Variants in CAMK1D observed in about 807,000 individuals in gnomAD.
CAMK1D encodes calcium/calmodulin-dependent protein kinase type 1D.
In CAMK1D, 9 loss-of-function variants were observed where a neutral mutation model predicts 47.7. The observed-to-expected ratio is 0.19, with a 90% CI of 0.11 to 0.33. The LOEUF is 0.33. Among genes scored for constraint, CAMK1D ranks in the 10% least tolerant of loss-of-function variants. The probability of loss-of-function intolerance (pLI) is 1.00; values close to 1 mark genes in which losing one functional copy is unlikely to be tolerated. For missense variants in CAMK1D, 291 were observed against 488.7 expected (o/e 0.60, Z 3.81); for synonymous variants, 184 against 184.9 (o/e 0.99, Z 0.04).
At chr10:12,563,001 A>G (rs1018384626) in intron 2 of CAMK1D, among the ~76,000 whole-genome samples, 9 of 152,230 alleles carry the variant, frequency 5.9e-5, no homozygotes, top group African/African-American at 2.2e-4. Flanking sequence ...AAACAGAAGC[A>G]ATAGGATATA....
intron 1 of CAMK1D, among the ~76,000 whole-genome samples, chr10:12,511,942 C>T (rs990985791): frequency 2.0e-5 from 3 of 152,236 alleles, no homozygotes; most frequent in African/African-American, 7.2e-5. Context: ...AGAAGCTGAA[C>T]GAGTTCACCC....
At chr10:12,387,438 A>G in intron 1 of CAMK1D, among the ~76,000 whole-genome samples, 1 of 51,416 alleles carries the variant, frequency 1.9e-5, no homozygotes, top group East Asian at 4.7e-4. Context: ...TATATATTAT[A>G]TATATTTTAT....
chr10:12,762,469 T>C (rs1836555963), intron 4 of CAMK1D, among the ~76,000 whole-genome samples: 1 of 152,218 alleles, frequency 6.6e-6, no homozygotes, highest in African/African-American at 2.4e-5. Context: ...CATGTTGTCA[T>C]GTTCCATTGA....
At chr10:12,682,586 G>A (rs1036737502) in intron 3 of CAMK1D, among the ~76,000 whole-genome samples, 3 of 152,124 alleles carry the variant, frequency 2.0e-5, no homozygotes, top group Admixed American at 6.5e-5. Context: ...TGTAGAGAGA[G>A]TATTTTCCAA....
At chr10:12,363,406 C>CA (rs1837738326) in intron 1 of CAMK1D, among the ~76,000 whole-genome samples, 1 of 151,986 alleles carries the variant, frequency 6.6e-6, no homozygotes, top group African/African-American at 2.4e-5. Context: ...AGGTGCCCAC[C>CA]ACCATGCCTA....
chr10:12,409,032 C>T (rs374188293), intron 1 of CAMK1D, among the ~76,000 whole-genome samples: 1 of 151,820 alleles, frequency 6.6e-6, no homozygotes, highest in East Asian at 1.9e-4. Context: ...AATACTTGTA[C>T]TTTTAGTAGA....
chr10:12,675,219 C>A (rs1473037413), intron 3 of CAMK1D, among the ~76,000 whole-genome samples: 1 of 152,020 alleles, frequency 6.6e-6, no homozygotes, highest in Non-Finnish European at 1.5e-5. Flanking sequence ...GGAATAAGAA[C>A]ATATTTCCAG....
rs118079738 is a variant in CAMK1D, at chr10:12,419,077, C to T, written c.92+69167C>T. On this transcript the variant is annotated intron_variant, in intron 1 of 10. Coordinates refer to ENST00000619168, the MANE Select transcript of CAMK1D (RefSeq NM_153498.4). ...TTGGACCTCACATTCGGAAAGGTGT[C>T]TGAGAGGTCATCCGTTTCAAACTTC... Among the ~76,000 whole-genome samples, 1,045 of 152,310 alleles carry T rather than the reference C, an allele frequency of 6.9e-3. 6 individuals are homozygous for T. Among genetic ancestry groups the T allele is most frequent in the Non-Finnish European group, 0.011 (776 of 68,030 alleles).
intron 2 of CAMK1D, among the ~76,000 whole-genome samples, chr10:12,600,197 A>T (rs1276686442): frequency 6.6e-6 from 1 of 152,210 alleles, no homozygotes; most frequent in African/African-American, 2.4e-5. Flanking sequence ...GAAAGAAAAA[A>T]ACAGGAGAGA....
At position 12,789,814 on chromosome 10, in the gene CAMK1D, C is replaced by G. The variant is rs560201237; in HGVS notation, c.566-1344C>G. 7.1e-5 allele frequency among the ~76,000 whole-genome samples: 10 copies of G among 141,020 alleles called. No individual in the cohort carries two copies. The South Asian group carries it at 2.4e-3, about 33-fold the overall frequency. The allele number at this position is 141,020 out of a possible 152,430, so 92.5% of individuals were successfully genotyped here. ...ACTCAGAATCCAACAAGTACTTTGT[C>G]AGCTCTAGCTATTTGTCTCTATCCT... On this transcript the variant is annotated intron_variant, in intron 5 of 10. Transcript: ENST00000619168.
intron 1 of CAMK1D, among the ~76,000 whole-genome samples, chr10:12,527,350 C>CTTTTTTTTTTT (rs750670427): frequency 2.4e-5 from 2 of 84,000 alleles, no homozygotes; most frequent in Non-Finnish European, 4.4e-5. Context: ...ACTTGACTTG[C>CTTTTTTTTTTT]TTTTTTTTTT....
At position 12,690,127 on chromosome 10, in the gene CAMK1D, T is replaced by A. The variant is rs144896451; in HGVS notation, c.299+23317T>A. On this transcript the variant is annotated intron_variant, in intron 3 of 10. Transcript: ENST00000619168. The stretch of plus-strand genomic sequence containing the variant: ...CCATCTCCGTGTGGACCTGATAGCT[T>A]CACTCAGGCCTTGTGTTGAACGCCT... Among the ~76,000 whole-genome samples the A allele has an allele frequency of 3.9e-3, 596 of 152,298 alleles. 3 individuals are homozygous for A. Among genetic ancestry groups the A allele is most frequent in the African/African-American group, 0.014 (564 of 41,554 alleles).
At chr10:12,714,846 T>C (rs533110232) in intron 3 of CAMK1D, among the ~76,000 whole-genome samples, 6 of 152,160 alleles carry the variant, frequency 3.9e-5, no homozygotes, top group South Asian at 2.1e-4. Flanking sequence ...CCTTTTTTTA[T>C]TGATACATAA....
intron 1 of CAMK1D, among the ~76,000 whole-genome samples, chr10:12,524,003 T>C (rs9424164): frequency 0.014 from 2,160 of 152,150 alleles, 54 homozygotes; most frequent in African/African-American, 0.049. Context: ...ACCATTCTCC[T>C]GCCTCAGCCT....
intron 1 of CAMK1D, among the ~76,000 whole-genome samples, chr10:12,548,190 C>T (rs61848312): frequency 0.14 from 22,056 of 152,158 alleles, 2,183 homozygotes; most frequent in East Asian, 0.3. Flanking sequence ...TTGTCTGCTT[C>T]ATGGGGTCGC....
chr10:12,359,041 A>G (rs1837588769), intron 1 of CAMK1D, among the ~76,000 whole-genome samples: 1 of 152,202 alleles, frequency 6.6e-6, no homozygotes. Context: ...AGAACAATCC[A>G]CAGTTGTTCT....
intron 2 of CAMK1D, among the ~76,000 whole-genome samples, chr10:12,555,329 A>G (rs955613004): frequency 6.6e-6 from 1 of 152,238 alleles, no homozygotes; most frequent in Non-Finnish European, 1.5e-5. Context: ...ACCTTTGTGT[A>G]ACTCACAGAA....
intron 2 of CAMK1D, among the ~76,000 whole-genome samples, chr10:12,585,130 C>T (rs1477087283): frequency 1.3e-5 from 2 of 152,170 alleles, no homozygotes; most frequent in Middle Eastern, 3.2e-3. Context: ...GATAAGCCCT[C>T]GCTGAGAAAT....
intron 4 of CAMK1D, among the ~76,000 whole-genome samples, chr10:12,769,022 A>C (rs2130928930): frequency 6.6e-6 from 1 of 152,326 alleles, no homozygotes; most frequent in South Asian, 2.1e-4. Flanking sequence ...GTTCAGAGGA[A>C]CAGACAAAGG....
Sources: gnomAD v4.1 joint callset for allele counts (sites outside exome capture counted in the v4.1 genomes callset) on GRCh38, gnomAD v4.1.1 for gene constraint, MANE v1.5 for transcripts, NCBI Gene and HGNC (gene_info 2026-07-23, HGNC 2026-07-21) for gene names.